The following DPP10 variants were observed in gnomAD, a reference collection of about 807,000 sequenced individuals.
DPP10 encodes the protein inactive dipeptidyl peptidase 10.
Under a neutral mutation model 120.9 loss-of-function variants are expected in DPP10, and 33 were observed. The ratio of observed to expected loss-of-function variants is 0.27; its 90% CI spans 0.21 to 0.37. DPP10 has a LOEUF of 0.37. Ranked by LOEUF, DPP10 falls within the 10% of genes least tolerant of loss-of-function variation. The pLI is 1.00. For synonymous variants in DPP10, 337 were observed against 326.1 expected (o/e 1.03, Z -0.36); for missense variants, 816 against 942.8 (o/e 0.87, Z 1.76).
chr2:114,842,232 T>TATC (rs1054447518), intron 1 of DPP10, among the ~76,000 whole-genome samples: 2 of 152,076 alleles, frequency 1.3e-5, no homozygotes, highest in African/African-American at 4.8e-5. Flanking sequence ...AATTATGTCT[T>TATC]ATCTACATGT....
At chr2:115,306,085 G>T (rs1367950613) in intron 1 of DPP10, among the ~76,000 whole-genome samples, 1 of 151,818 alleles carries the variant, frequency 6.6e-6, no homozygotes, top group Non-Finnish European at 1.5e-5. Flanking sequence ...TATTCCAGTT[G>T]TTCAGGTAAA....
chr2:115,133,145 G>GTGTATATATATATATATA (rs1338395575), intron 1 of DPP10, among the ~76,000 whole-genome samples: 16 of 28,760 alleles, frequency 5.6e-4, no homozygotes, highest in African/African-American at 1.1e-3. Context: ...GTGTGTGTGT[G>GTGTATATATATATATATA]TATATATATA....
At chr2:115,684,944 A>G (rs1212359216) in intron 5 of DPP10, among the ~76,000 whole-genome samples, 2 of 151,900 alleles carry the variant, frequency 1.3e-5, no homozygotes. Flanking sequence ...TTGGAAATGA[A>G]TCATTTGCAA....
chr2:115,119,476 T>C (rs2049710614), intron 1 of DPP10, among the ~76,000 whole-genome samples: 1 of 152,286 alleles, frequency 6.6e-6, no homozygotes, highest in South Asian at 2.1e-4. Flanking sequence ...CCCTCTCCTG[T>C]CCTGCTCGAG....
intron 1 of DPP10, among the ~76,000 whole-genome samples, chr2:114,536,623 T>G (rs1388855897): frequency 6.6e-6 from 1 of 152,050 alleles, no homozygotes; most frequent in Non-Finnish European, 1.5e-5. Context: ...GCCAGGATGG[T>G]CTCGATCTCC....
chr2:114,943,735 A>C, intron 1 of DPP10, among the ~76,000 whole-genome samples: 1 of 152,234 alleles, frequency 6.6e-6, no homozygotes, highest in East Asian at 1.9e-4. Flanking sequence ...ATTATAATTT[A>C]AGTCACAAAT....
At chr2:115,111,824 T>C (rs1248250765) in intron 1 of DPP10, among the ~76,000 whole-genome samples, 1 of 152,224 alleles carries the variant, frequency 6.6e-6, no homozygotes, top group Non-Finnish European at 1.5e-5. Context: ...TTTAGTTTTT[T>C]CATTATCCTT....
At position 114,812,732 on chromosome 2, in the gene DPP10, TTGTC is replaced by T. The variant is rs961679410; in HGVS notation, c.60+369900_60+369903del. The stretch of plus-strand genomic sequence containing the variant: ...CACAGTCTTTTGTTTGTTTGTTTGT[TTGTC>T]TGTCTTTGTTTGCTTGTTTGTTTTT... On this transcript the variant is annotated intron_variant, in intron 1 of 25. Transcript: ENST00000410059. 6.2e-4 allele frequency among the ~76,000 whole-genome samples: 94 copies of T among 152,200 alleles called. 1 individual carries two copies. Among genetic ancestry groups the T allele is most frequent in the African/African-American group, 2.0e-3 (82 of 41,520 alleles).
At position 115,518,211 on chromosome 2, in the gene DPP10, C is replaced by T. The variant is rs1164259799; in HGVS notation, c.367-7687C>T. 6.6e-5 allele frequency among the ~76,000 whole-genome samples: 10 copies of T among 152,152 alleles called. No individual in the cohort carries two copies. In the East Asian group the frequency reaches 1.7e-3, roughly 26 times the overall value. On this transcript the variant is annotated intron_variant, in intron 4 of 25. Transcript: ENST00000410059. ...ACCTCCAACACTGGGGATCAAATTTCGATATGAGGTTTGAAGGAGTCAAAC... is the reference window on the plus strand; with the variant it reads ...ACCTCCAACACTGGGGATCAAATTTTGATATGAGGTTTGAAGGAGTCAAAC...
chr2:115,745,582 C>A (rs890695751), intron 9 of DPP10, among the ~76,000 whole-genome samples: 1 of 150,504 alleles, frequency 6.6e-6, no homozygotes, highest in Non-Finnish European at 1.5e-5. Flanking sequence ...GAGATTAATG[C>A]GATAGCATAC....
intron 7 of DPP10, among the ~76,000 whole-genome samples, chr2:115,726,296 T>C (rs2092764213): frequency 6.6e-6 from 1 of 152,134 alleles, no homozygotes; most frequent in East Asian, 1.9e-4. Context: ...GACTTAGAGT[T>C]TGTTGCCTCC....
intron 1 of DPP10, among the ~76,000 whole-genome samples, chr2:115,263,759 C>A (rs777912417): frequency 6.6e-6 from 1 of 152,122 alleles, no homozygotes; most frequent in Admixed American, 6.6e-5. Flanking sequence ...GTTGCTCCAT[C>A]GGATTAGTAT....
chr2:115,012,178 C>G (rs1001292789), intron 1 of DPP10, among the ~76,000 whole-genome samples: 4 of 152,070 alleles, frequency 2.6e-5, no homozygotes, highest in Non-Finnish European at 1.5e-5. Context: ...TATCCCTGCC[C>G]CTACCCTGTG....
chr2:114,471,483 A>G (rs1679906183), intron 1 of DPP10, among the ~76,000 whole-genome samples: 1 of 152,184 alleles, frequency 6.6e-6, no homozygotes, highest in South Asian at 2.1e-4. Context: ...TTCCCTTTAC[A>G]CCGACAACCT....
At chr2:114,789,579 A>G (rs1683070873) in intron 1 of DPP10, among the ~76,000 whole-genome samples, 1 of 152,208 alleles carries the variant, frequency 6.6e-6, no homozygotes, top group African/African-American at 2.4e-5. Context: ...CAAGATCCCC[A>G]GGGATTCACA....
intron 1 of DPP10, among the ~76,000 whole-genome samples, chr2:114,734,471 C>T (rs1157799020): frequency 6.6e-6 from 1 of 152,184 alleles, no homozygotes; most frequent in African/African-American, 2.4e-5. Flanking sequence ...GAAACCCCCA[C>T]TTTGAGAAGT....
At chr2:114,684,029 A>T (rs2105728109) in intron 1 of DPP10, among the ~76,000 whole-genome samples, 1 of 152,086 alleles carries the variant, frequency 6.6e-6, no homozygotes, top group South Asian at 2.1e-4. Flanking sequence ...ACACTCAAAG[A>T]TTCTCACTGC....
At chr2:114,948,377 T>C (rs564459356) in intron 1 of DPP10, among the ~76,000 whole-genome samples, 1 of 152,306 alleles carries the variant, frequency 6.6e-6, no homozygotes, top group South Asian at 2.1e-4. Flanking sequence ...TAAAATTTTA[T>C]ATTTTCCTGC....
intron 1 of DPP10, among the ~76,000 whole-genome samples, chr2:114,512,258 T>C (rs547888326): frequency 2.6e-5 from 4 of 152,314 alleles, no homozygotes; most frequent in African/African-American, 9.6e-5. Context: ...CCTTGTTATT[T>C]TAAGGGTCTT....
Sources: gnomAD v4.1 joint callset for allele counts (sites outside exome capture counted in the v4.1 genomes callset) on GRCh38, gnomAD v4.1.1 for gene constraint, MANE v1.5 for transcripts, NCBI Gene and HGNC (gene_info 2026-07-23, HGNC 2026-07-21) for gene names.